Variants in SLC2A13 observed in about 807,000 individuals in gnomAD.
SLC2A13 encodes proton myo-inositol cotransporter.
SLC2A13 carries 32 observed loss-of-function variants against 64.4 expected under a neutral mutation model. The ratio of observed to expected loss-of-function variants is 0.50; its 90% CI spans 0.37 to 0.67. The LOEUF is 0.67. Among genes scored for constraint, SLC2A13 ranks in the 30% least tolerant of loss-of-function variants. The pLI is 0.00. For missense variants in SLC2A13, 743 were observed against 829.2 expected (o/e 0.90, Z 1.28); for synonymous variants, 338 against 327.1 (o/e 1.03, Z -0.36).
chr12:39,938,225 T>C (rs1364422019), intron 4 of SLC2A13, among the ~76,000 whole-genome samples: 7 of 152,104 alleles, frequency 4.6e-5, no homozygotes, highest in Non-Finnish European at 8.8e-5. Flanking sequence ...TGGGAGGTAT[T>C]ATAATTCCTG....
intron 7 of SLC2A13, among the ~76,000 whole-genome samples, chr12:39,803,244 C>T (rs1941859942): frequency 6.6e-6 from 1 of 150,532 alleles, no homozygotes; most frequent in Non-Finnish European, 1.5e-5. Context: ...GACAAGCTCT[C>T]AACAGAGGCT....
At chr12:39,933,847 A>AGGG (rs1266094790) in intron 4 of SLC2A13, among the ~76,000 whole-genome samples, 1 of 152,232 alleles carries the variant, frequency 6.6e-6, no homozygotes, top group African/African-American at 2.4e-5. Context: ...AACCCTGAAA[A>AGGG]GTATCATGCC....
intron 7 of SLC2A13, among the ~76,000 whole-genome samples, chr12:39,797,748 A>G (rs202014556): frequency 0.015 from 2,017 of 134,914 alleles, 44 homozygotes; most frequent in African/African-American, 0.048. Flanking sequence ...ACACACACAC[A>G]CACACACACA....
At chr12:39,837,876 C>G (rs1289442219) in intron 6 of SLC2A13, among the ~76,000 whole-genome samples, 1 of 151,176 alleles carries the variant, frequency 6.6e-6, no homozygotes, top group Non-Finnish European at 1.5e-5. Context: ...AATAGAAACA[C>G]TTTTACACTG....
At chr12:39,963,550 T>C (rs1946454004) in intron 3 of SLC2A13, among the ~76,000 whole-genome samples, 1 of 152,132 alleles carries the variant, frequency 6.6e-6, no homozygotes, top group Non-Finnish European at 1.5e-5. Flanking sequence ...TCAAGTTCAA[T>C]CAAGATATGT....
At chr12:39,793,007 CA>C (rs1334238796) in intron 7 of SLC2A13, among the ~76,000 whole-genome samples, 1 of 152,080 alleles carries the variant, frequency 6.6e-6, no homozygotes, top group African/African-American at 2.4e-5. Flanking sequence ...GACTGGTTAA[CA>C]AAATCTTTCA....
intron 7 of SLC2A13, among the ~76,000 whole-genome samples, chr12:39,790,773 T>C (rs1249452875): frequency 1.6e-5 from 1 of 62,500 alleles, no homozygotes; most frequent in Non-Finnish European, 3.2e-5. Flanking sequence ...TTTCTAGTTC[T>C]AGATCCCTGA....
chr12:39,761,833 A>G (rs1189716115), intron 9 of SLC2A13, among the ~76,000 whole-genome samples: 1 of 152,120 alleles, frequency 6.6e-6, no homozygotes, highest in Non-Finnish European at 1.5e-5. Flanking sequence ...CTGTAACAGC[A>G]AACCCAGTTT....
intron 3 of SLC2A13, among the ~76,000 whole-genome samples, chr12:39,961,131 G>A (rs1946405814): frequency 6.6e-6 from 1 of 151,548 alleles, no homozygotes; most frequent in Admixed American, 6.6e-5. Context: ...AGGCTGGAGT[G>A]CAGTGGCATG....
intron 2 of SLC2A13, among the ~76,000 whole-genome samples, chr12:40,038,254 T>C (rs992074754): frequency 6.6e-6 from 1 of 152,250 alleles, no homozygotes; most frequent in Admixed American, 6.5e-5. Flanking sequence ...ACCCATGAAT[T>C]ATTTAGAACC....
intron 1 of SLC2A13, among the ~76,000 whole-genome samples, chr12:40,085,469 G>GT (rs1938559763): frequency 6.6e-6 from 1 of 152,200 alleles, no homozygotes; most frequent in African/African-American, 2.4e-5. Flanking sequence ...GGGTGACAGT[G>GT]TGAGAACTGA....
At chr12:39,937,529 C>A (rs1042716371) in intron 4 of SLC2A13, among the ~76,000 whole-genome samples, 1 of 152,140 alleles carries the variant, frequency 6.6e-6, no homozygotes. Flanking sequence ...TATTTCAACT[C>A]ATTAACAGCA....
At chr12:39,970,964 A>C (rs979443000) in intron 3 of SLC2A13, among the ~76,000 whole-genome samples, 7 of 152,208 alleles carry the variant, frequency 4.6e-5, no homozygotes, top group Admixed American at 1.3e-4. Flanking sequence ...ATGGCTGATA[A>C]GAAGCTCAGA....
intron 3 of SLC2A13, among the ~76,000 whole-genome samples, chr12:40,004,104 T>A (rs1947367784): frequency 6.6e-6 from 1 of 152,188 alleles, no homozygotes. Flanking sequence ...ATTTACACTG[T>A]ATTCGGTTTT....
chr12:39,800,090 C>G (rs1363912475), intron 7 of SLC2A13, among the ~76,000 whole-genome samples: 2 of 152,150 alleles, frequency 1.3e-5, no homozygotes. Flanking sequence ...CCATCCCAAT[C>G]TTCTAGGTAC....
intron 7 of SLC2A13, among the ~76,000 whole-genome samples, chr12:39,806,445 C>T (rs1274105420): frequency 1.3e-5 from 2 of 152,156 alleles, no homozygotes; most frequent in Non-Finnish European, 1.5e-5. Context: ...CTAAATGCTA[C>T]AGGATATATA....
chr12:39,897,577 T>C (rs1223547247), intron 4 of SLC2A13, among the ~76,000 whole-genome samples: 1 of 152,178 alleles, frequency 6.6e-6, no homozygotes, highest in Non-Finnish European at 1.5e-5. Context: ...CTCTGTCCAA[T>C]GTCCAATATG....
chr12:39,761,317 A>T (rs1940139076), intron 9 of SLC2A13, among the ~76,000 whole-genome samples: 1 of 152,026 alleles, frequency 6.6e-6, no homozygotes, highest in Non-Finnish European at 1.5e-5. Context: ...TTACAGCCAA[A>T]ATCAGGGGCA....
chr12:39,901,031 A>G (rs1041796353), intron 4 of SLC2A13, among the ~76,000 whole-genome samples: 321 of 152,206 alleles, frequency 2.1e-3, no homozygotes, highest in Non-Finnish European at 3.8e-3. Context: ...CAGAAATAAC[A>G]CTGCATATCT....
Sources: gnomAD v4.1 joint callset for allele counts (sites outside exome capture counted in the v4.1 genomes callset) on GRCh38, gnomAD v4.1.1 for gene constraint, MANE v1.5 for transcripts, NCBI Gene and HGNC (gene_info 2026-07-23, HGNC 2026-07-21) for gene names.